Variants in LRMDA observed in about 807,000 individuals in gnomAD.
LRMDA encodes the protein leucine rich melanocyte differentiation associated.
LRMDA carries 18 observed loss-of-function variants against 29.8 expected under a neutral mutation model. That is an observed-to-expected ratio of 0.60 (90% CI 0.42 to 0.90). LRMDA has a LOEUF of 0.90. Among genes scored for constraint, LRMDA ranks in the 40% least tolerant of loss-of-function variants. The pLI is 0.00. For synonymous variants in LRMDA, 125 were observed against 109.4 expected, an observed-to-expected ratio of 1.14 and a Z score of -0.89; for missense variants, 273 against 273.9, an observed-to-expected ratio of 1.00 and a Z score of 0.02.
chr10:75,832,397 C>G (rs574308356), intron 2 of LRMDA, among the ~76,000 whole-genome samples: 31 of 152,198 alleles, frequency 2.0e-4, no homozygotes, highest in Non-Finnish European at 4.0e-4. Flanking sequence ...TCATCTTCAT[C>G]TGAGACCACC....
intron 2 of LRMDA, among the ~76,000 whole-genome samples, chr10:75,797,880 G>A (rs1181446862): frequency 6.6e-6 from 1 of 152,086 alleles, no homozygotes; most frequent in Non-Finnish European, 1.5e-5. Flanking sequence ...ATACCTTTGA[G>A]TCAAATTGCT....
At chr10:75,698,030 C>G (rs1177025426) in intron 2 of LRMDA, among the ~76,000 whole-genome samples, 1 of 152,116 alleles carries the variant, frequency 6.6e-6, no homozygotes, top group Non-Finnish European at 1.5e-5. Context: ...CTTATTATCC[C>G]CCTTTTGAAA....
chr10:75,589,758 T>TAA (rs35782401), intron 2 of LRMDA, among the ~76,000 whole-genome samples: 115 of 106,362 alleles, frequency 1.1e-3, no homozygotes, highest in African/African-American at 2.7e-3. Context: ...AGACCCTGTC[T>TAA]AAAAAAAATA....
rs561610238 is a variant in LRMDA at position 76,076,069 on chromosome 10, C to T, written c.516+17286C>T. Among the ~76,000 whole-genome samples the T allele has an allele frequency of 7.4e-4, 112 of 152,130 alleles. 1 individual carries two copies. Among genetic ancestry groups the T allele is most frequent in the Middle Eastern group, 3.4e-3 (1 of 294 alleles). On this transcript the variant is annotated intron_variant, in intron 5 of 6. Transcript: ENST00000611255. ...AAAGACTTAATAACTTTGGGCTGGG[C>T]GCGGTGGCTCATGCCTGTAATCCCA...
chr10:75,692,979 G>T (rs1377594104), intron 2 of LRMDA, among the ~76,000 whole-genome samples: 5 of 152,022 alleles, frequency 3.3e-5, no homozygotes, highest in Non-Finnish European at 7.4e-5. Context: ...TGTGAGAGTG[G>T]GTGCCTGTGT....
intron 5 of LRMDA, among the ~76,000 whole-genome samples, chr10:76,065,660 T>C (rs1230123864): frequency 2.0e-5 from 3 of 152,250 alleles, no homozygotes; most frequent in Non-Finnish European, 4.4e-5. Context: ...TCTTGGATAC[T>C]TTGTCCTGCC....
intron 2 of LRMDA, among the ~76,000 whole-genome samples, chr10:75,631,379 T>G (rs1841319885): frequency 6.6e-6 from 1 of 151,846 alleles, no homozygotes; most frequent in African/African-American, 2.4e-5. Flanking sequence ...CCCCTTCTAA[T>G]GTCCAGGCAG....
intron 5 of LRMDA, among the ~76,000 whole-genome samples, chr10:76,184,467 T>G (rs1471898935): frequency 1.3e-5 from 2 of 152,240 alleles, no homozygotes; most frequent in Non-Finnish European, 2.9e-5. Flanking sequence ...GAGAAAAATG[T>G]GTCCGACACA....
At chr10:76,266,904 T>C (rs1242816813) in intron 5 of LRMDA, among the ~76,000 whole-genome samples, 1 of 152,192 alleles carries the variant, frequency 6.6e-6, no homozygotes, top group Non-Finnish European at 1.5e-5. Flanking sequence ...CCGGAGAACA[T>C]TCAATCTCTG....
chr10:76,199,751 G>A (rs1465127906), intron 5 of LRMDA, among the ~76,000 whole-genome samples: 2 of 152,084 alleles, frequency 1.3e-5, no homozygotes, highest in African/African-American at 2.4e-5. Context: ...CTCCATTATT[G>A]AGTTTTAATC....
intron 6 of LRMDA, among the ~76,000 whole-genome samples, chr10:76,374,193 A>C (rs147626800): frequency 5.3e-4 from 80 of 152,314 alleles, no homozygotes; most frequent in Middle Eastern, 6.8e-3. Flanking sequence ...TTGTAAGTTG[A>C]GTGTTAAAAG....
chr10:75,859,184 G>A lies in LRMDA; in HGVS notation c.132-176824G>A, dbSNP rs1420797106. Reference sequence around the variant, plus strand: ...ATAAGTAATGAATGGCCTTATTATGGGCCTTTTGTGCATATGTACAGGTGT... The same window carrying A: ...ATAAGTAATGAATGGCCTTATTATGAGCCTTTTGTGCATATGTACAGGTGT... On this transcript the variant is annotated intron_variant, in intron 2 of 6. Coordinates refer to ENST00000611255, the MANE Select transcript of LRMDA (RefSeq NM_001305581.2). Among the ~76,000 whole-genome samples the A allele has an allele frequency of 2.6e-5, 4 of 152,098 alleles. No homozygotes were observed. In the South Asian group the frequency reaches 8.3e-4, roughly 32 times the overall value.
At chr10:76,178,712 A>G (rs1420130013) in intron 5 of LRMDA, among the ~76,000 whole-genome samples, 2 of 152,212 alleles carry the variant, frequency 1.3e-5, no homozygotes, top group African/African-American at 4.8e-5. Context: ...TCAGAAGAAC[A>G]AAACAATATT....
chr10:75,889,074 G>T (rs1323734666), intron 2 of LRMDA, among the ~76,000 whole-genome samples: 1 of 152,030 alleles, frequency 6.6e-6, no homozygotes, highest in Admixed American at 6.6e-5. Flanking sequence ...TGAGCTATAT[G>T]TGTGTGTGTG....
chr10:75,780,155 T>A (rs1308149249), intron 2 of LRMDA, among the ~76,000 whole-genome samples: 1 of 152,224 alleles, frequency 6.6e-6, no homozygotes, highest in Non-Finnish European at 1.5e-5. Flanking sequence ...CTACTGACAC[T>A]GGATTTTAGA....
chr10:76,285,965 A>G (rs1212285096), intron 5 of LRMDA, among the ~76,000 whole-genome samples: 1 of 152,174 alleles, frequency 6.6e-6, no homozygotes, highest in Non-Finnish European at 1.5e-5. Flanking sequence ...GGCAATCTTT[A>G]TTCTGGATAT....
intron 5 of LRMDA, among the ~76,000 whole-genome samples, chr10:76,100,363 A>C (rs1003455882): frequency 6.6e-6 from 1 of 152,222 alleles, no homozygotes; most frequent in South Asian, 2.1e-4. Context: ...GGTTCCTGCT[A>C]ACAGGCCCCC....
At chr10:76,391,426 A>G (rs746015774) in intron 6 of LRMDA, among the ~76,000 whole-genome samples, 15 of 152,218 alleles carry the variant, frequency 9.9e-5, no homozygotes, top group Non-Finnish European at 1.9e-4. Context: ...CCTGCAGGAT[A>G]AGTAAAGATA....
intron 5 of LRMDA, among the ~76,000 whole-genome samples, chr10:76,084,681 T>C (rs1382371504): frequency 6.6e-6 from 1 of 152,194 alleles, no homozygotes; most frequent in Non-Finnish European, 1.5e-5. Flanking sequence ...AAATGATATA[T>C]GTAAAGTATC....
Sources: gnomAD v4.1 joint callset for allele counts (sites outside exome capture counted in the v4.1 genomes callset) on GRCh38, gnomAD v4.1.1 for gene constraint, MANE v1.5 for transcripts, NCBI Gene and HGNC (gene_info 2026-07-23, HGNC 2026-07-21) for gene names.